ZFP82: variants seen among roughly 807,000 people sequenced by gnomAD.
ZFP82 encodes zinc finger protein 82 homolog.
In ZFP82, 30 loss-of-function variants were observed where a neutral mutation model predicts 54.0. The observed-to-expected ratio is 0.56, with a 90% confidence interval of 0.42 to 0.75. The LOEUF (loss-of-function observed/expected upper bound fraction) is 0.75. Among genes scored for constraint, ZFP82 ranks in the 30% least tolerant of loss-of-function variants. The pLI, the probability that ZFP82 is intolerant of heterozygous loss-of-function variation, is 0.00. For synonymous variants in ZFP82, 194 were observed against 209.5 expected (o/e 0.93, Z 0.64); for missense variants, 500 against 636.8 (o/e 0.79, Z 2.31).
intron 1 of ZFP82, among the ~76,000 whole-genome samples, chr19:36,410,126 CCTGTTTAGATTCA>C (rs1488904445): frequency 6.6e-6 from 1 of 152,068 alleles, no homozygotes; most frequent in Non-Finnish European, 1.5e-5. Flanking sequence ...GTTTCATAGG[CCTGTTTAGATTCA>C]CCAGACACAA....
chr19:36,384,567 T>C (rs1016170260), downstream of ZFP82: 1 of 152,194 alleles, frequency 6.6e-6, no homozygotes, highest in Non-Finnish European at 1.5e-5. Flanking sequence ...TGTGACTTTT[T>C]CCCCCAAGAA....
downstream of ZFP82, among the ~76,000 whole-genome samples, chr19:36,384,757 A>G (rs2032097424): frequency 6.6e-6 from 1 of 152,088 alleles, no homozygotes; most frequent in Admixed American, 6.6e-5. Context: ...TATTAGCAAA[A>G]CCTAATTTTA....
chr19:36,401,825 G>A (rs945256111), intron 4 of ZFP82, among the ~76,000 whole-genome samples: 8 of 152,120 alleles, frequency 5.3e-5, no homozygotes, highest in Non-Finnish European at 8.8e-5. Flanking sequence ...GGCTAATGCC[G>A]CACTCAGACC....
chr19:36,386,297 A>G (rs1000760220), downstream of ZFP82, among the ~76,000 whole-genome samples: 1 of 152,244 alleles, frequency 6.6e-6, no homozygotes, highest in African/African-American at 2.4e-5. Flanking sequence ...GGCAGCATCA[A>G]TGTGGTGCTA....
At chr19:36,408,664 C>A (rs915122389) in intron 2 of ZFP82, among the ~76,000 whole-genome samples, 6 of 151,898 alleles carry the variant, frequency 4.0e-5, no homozygotes, top group Admixed American at 3.9e-4. Context: ...ACTAAAAATA[C>A]AAAATTAGTT....
At position 36,392,776 on chromosome 19, in the gene ZFP82, T is replaced by G; in HGVS notation, c.1564A>C (p.Thr522Pro). The change falls in exon 5 of 5, where the codon ACT becomes CCT. Residue 522 changes from threonine to proline, a missense_variant. Physicochemically the swap from Thr to Pro is conservative, Grantham distance 38. Transcript: ENST00000392161. ...ACATTATGAATTTTCAGATGATGAG[T>G]AAGGTGTGAATGTTGCCTAAAGGCC... ...KKAFRQHSHL[T>P]HHLKIHNVKI 2 of 1,582,920 alleles carry G rather than the reference T, an allele frequency of 1.3e-6. No homozygotes were observed. The highest frequency in any genetic ancestry group is 8.6e-7 in the Non-Finnish European group (1 of 1,168,548).
At chr19:36,386,810 G>A (rs544986893), downstream of ZFP82, among the ~76,000 whole-genome samples, 1 of 152,288 alleles carries the variant, frequency 6.6e-6, no homozygotes, top group African/African-American at 2.4e-5. Context: ...GGTGGCAGAT[G>A]CTGTAATCCC....
Position 36,393,598 on chromosome 19 carries a change from G to A in ZFP82, c.742C>T (p.His248Tyr). Residue 248 changes from histidine to tyrosine, a missense_variant, in exon 5 of 5, where the codon CAT becomes TAT. Coordinates refer to ENST00000392161, the MANE Select transcript of ZFP82 (RefSeq NM_133466.4). Reference protein sequence around the residue: ...GADLRVHQKMHIGEKPYECKE... With the variant: ...GADLRVHQKMYIGEKPYECKE... ...CATTCATAGGGCTTCTCACCAATAT[G>A]CATTTTCTGATGTACTCTAAGATCT... is the stretch of plus-strand genomic sequence containing the variant. The A allele has an allele frequency of 6.2e-7, 1 of 1,614,092 alleles. No individual in the cohort carries two copies. The highest frequency in any genetic ancestry group is 8.5e-7 in the Non-Finnish European group (1 of 1,180,030).
rs559322592 is a variant in ZFP82 at position 36,411,758 on chromosome 19, G to A, written c.-78-1891C>T. Among the ~76,000 whole-genome samples, 32 of 151,966 alleles carry A rather than the reference G, an allele frequency of 2.1e-4. No individual in the cohort carries two copies. The South Asian group carries it at 3.5e-3, about 17-fold the overall frequency. ...CAGGCACCTGTAAGCCCAGCTACCCGGGAGGCTGAGGCAGGAGAATGGCGT... is the reference window on the plus strand; with the variant it reads ...CAGGCACCTGTAAGCCCAGCTACCCAGGAGGCTGAGGCAGGAGAATGGCGT... On this transcript the variant is annotated intron_variant, in intron 1 of 4. Coordinates refer to ENST00000392161, the MANE Select transcript of ZFP82 (RefSeq NM_133466.4).
chr19:36,397,186 G>A lies in ZFP82; in HGVS notation c.230-3076C>T, dbSNP rs963893812. Among the ~76,000 whole-genome samples the A allele has an allele frequency of 3.3e-5, 5 of 150,096 alleles. 1 individual carries two copies. The highest frequency in any genetic ancestry group is 5.9e-5 in the Non-Finnish European group (4 of 67,756). On this transcript the variant is annotated intron_variant, in intron 4 of 4. Coordinates refer to ENST00000392161, the MANE Select transcript of ZFP82 (RefSeq NM_133466.4). ...TGGATCGCTGCAACCTCTGCCTCCC[G>A]GGTTCAAGCAATCCTCCTGCCTCAG... is the stretch of plus-strand genomic sequence containing the variant.
chr19:36,409,988 C>G lies in ZFP82; in HGVS notation c.-78-121G>C. The G allele has an allele frequency of 1.4e-5, 8 of 569,732 alleles. No homozygotes were observed. The South Asian group carries it at 1.7e-4, about 12-fold the overall frequency. 35.3% of individuals were successfully genotyped at this position (569,732 alleles called of 1,614,324 possible). A position where few individuals can be genotyped will look rare whatever the true frequency, so the allele number is the denominator to read the frequency against. On this transcript the variant is annotated intron_variant, in intron 1 of 4. Transcript: ENST00000392161. ...TCCACCACAGCTCCTCCAACACACA[C>G]GCGCGCACACACACATAGGCAGAGA...
At chr19:36,407,677 T>C (rs1040042414) in intron 3 of ZFP82, among the ~76,000 whole-genome samples, 2 of 152,214 alleles carry the variant, frequency 1.3e-5, no homozygotes, top group Non-Finnish European at 2.9e-5. Flanking sequence ...AGCCCCTTCA[T>C]TATTAAGGCC....
At position 36,389,544 on chromosome 19, in the gene ZFP82, A is replaced by T. The variant is rs149833319; in HGVS notation, c.*3197T>A. Among the ~76,000 whole-genome samples the T allele has an allele frequency of 3.8e-3, 574 of 152,268 alleles. 1 individual carries two copies. Among genetic ancestry groups the T allele is most frequent in the Non-Finnish European group, 6.3e-3 (426 of 68,020 alleles). On this transcript the variant is annotated 3_prime_UTR_variant, in exon 5 of 5. Coordinates refer to ENST00000392161, the MANE Select transcript of ZFP82 (RefSeq NM_133466.4). Reference sequence around the variant, plus strand: ...ATCACAGGCATAACATTTCAGCCTTAAATACCTCAGTATGAATCTCTAACA... The same window carrying T: ...ATCACAGGCATAACATTTCAGCCTTTAATACCTCAGTATGAATCTCTAACA...
chr19:36,411,702 A>G (rs1057143692), intron 1 of ZFP82, among the ~76,000 whole-genome samples: 1 of 152,066 alleles, frequency 6.6e-6, no homozygotes, highest in Non-Finnish European at 1.5e-5. Flanking sequence ...CGTCTCTACT[A>G]AAAATACAAA....
chr19:36,415,819 C>G (rs2032659821), intron 1 of ZFP82, among the ~76,000 whole-genome samples: 3 of 152,162 alleles, frequency 2.0e-5, no homozygotes, highest in African/African-American at 7.2e-5. Context: ...AACAGTGTGG[C>G]ACAAATAAGT....
At chr19:36,401,217 T>C (rs1007459068) in intron 4 of ZFP82, among the ~76,000 whole-genome samples, 1 of 152,172 alleles carries the variant, frequency 6.6e-6, no homozygotes, top group Admixed American at 6.5e-5. Context: ...GATCCATGAA[T>C]GTAAATTCCA....
intron 1 of ZFP82, among the ~76,000 whole-genome samples, chr19:36,413,960 G>C (rs1237321870): frequency 6.6e-6 from 1 of 150,474 alleles, no homozygotes; most frequent in South Asian, 2.1e-4. Context: ...GAGTGCAGTG[G>C]CAAGATCTCG....
At chr19:36,395,024 G>C (rs2032270482) in intron 4 of ZFP82, 2 of 152,058 alleles carry the variant, frequency 1.3e-5, no homozygotes, top group Admixed American at 6.5e-5. Flanking sequence ...GTATCTCTCT[G>C]CCTCTAGTCT....
downstream of ZFP82, among the ~76,000 whole-genome samples, chr19:36,384,893 C>G (rs938813770): frequency 6.6e-6 from 1 of 152,044 alleles, no homozygotes; most frequent in African/African-American, 2.4e-5. Context: ...TGACATCTGC[C>G]CAATCTGAGC....
Sources: allele counts gnomAD v4.1 joint callset (sites outside exome capture counted in the v4.1 genomes callset), GRCh38; gene constraint gnomAD v4.1.1; transcripts MANE v1.5; gene names NCBI Gene and HGNC (gene_info 2026-07-23, HGNC 2026-07-21).